Variants in COL6A2 observed in about 807,000 individuals in gnomAD.
COL6A2 encodes collagen type VI alpha 2 chain, also known as collagen alpha-2(VI) chain.
COL6A2 carries 90 observed loss-of-function variants against 124.9 expected under a neutral mutation model. The observed-to-expected ratio is 0.72, with a 90% confidence interval of 0.61 to 0.86. COL6A2 has a LOEUF of 0.86. COL6A2 is among the 40% of genes least tolerant of loss of function. COL6A2 has a pLI of 0.00. For synonymous variants in COL6A2, 793 were observed against 618.2 expected, an observed-to-expected ratio of 1.28 and a Z score of -4.19; for missense variants, 1,607 against 1,502.5, an observed-to-expected ratio of 1.07 and a Z score of -1.15.
chr21:46,129,622 A>G, intron 27 of COL6A2: 1 of 1,430,422 alleles, frequency 7.0e-7, no homozygotes, highest in South Asian at 1.5e-5. Flanking sequence ...CAGTCCTTCC[A>G]GGGGCTCTGG....
chr21:46,123,058 A>G, intron 21 of COL6A2, 121 bp downstream of exon 21: 2 of 945,202 alleles, frequency 2.1e-6, no homozygotes, highest in Non-Finnish European at 1.7e-6. Context: ...AGCCATGAGC[A>G]CCACCCCCAC....
chr21:46,115,761 G>C, intron 5 of COL6A2, 111 bp from the exon 6 acceptor site: 1 of 960,760 alleles, frequency 1.0e-6, no homozygotes, highest in Non-Finnish European at 1.6e-6. Flanking sequence ...CACTTGGGCA[G>C]GGGAATCAGT....
At chr21:46,117,296 C>T in intron 10 of COL6A2, 104 bp from the exon 11 acceptor site, 1 of 1,182,034 alleles carries the variant, frequency 8.5e-7, no homozygotes, top group Non-Finnish European at 1.2e-6. Context: ...GAGGAGAGCG[C>T]TGCAGCCCTG....
chr21:46,127,327 G>A (rs1056863335), intron 27 of COL6A2, among the ~76,000 whole-genome samples: 2 of 152,152 alleles, frequency 1.3e-5, no homozygotes, highest in African/African-American at 4.8e-5. Flanking sequence ...GCGGGTCGCG[G>A]TGTGCGTTCG....
chr21:46,124,564 G>T (rs1396554978), intron 21 of COL6A2, 87 bp from the exon 22 acceptor site: 2 of 1,261,694 alleles, frequency 1.6e-6, no homozygotes, highest in Non-Finnish European at 1.1e-6. Context: ...GGGAGGACCC[G>T]TGGTTGGGGA....
rs774150439 is a variant in COL6A2 at position 46,132,349 on chromosome 21, G to A, written c.2857G>A (p.Gly953Ser). The part of the protein sequence containing the change: ...SFVFLTDGVT[G>S]NDSLHESAHS... ...CGTGTTCCTCACGGACGGCGTCACGGGCAACGACAGTCTGCACGAGTCGGC... is the reference window on the plus strand; with the variant it reads ...CGTGTTCCTCACGGACGGCGTCACGAGCAACGACAGTCTGCACGAGTCGGC... The change falls in exon 28 of 28, where the codon GGC (glycine) becomes AGC (serine). Residue 953 changes from glycine to serine, a missense_variant. Physicochemically the swap from Gly to Ser is moderately conservative, Grantham distance 56. This residue lies in a region of COL6A2 where 1,223 missense variants were observed against 1,052.2 expected (regional missense o/e 1.16). Coordinates refer to ENST00000300527, the MANE Select transcript of COL6A2 (RefSeq NM_001849.4). 6.2e-7 allele frequency: 1 copy of A among 1,608,542 alleles called. No homozygotes were observed. Among genetic ancestry groups the A allele is most frequent in the South Asian group, 1.1e-5 (1 of 91,080 alleles).
chr21:46,130,475 C>T (rs189246465), intron 27 of COL6A2, among the ~76,000 whole-genome samples: 11 of 152,302 alleles, frequency 7.2e-5, no homozygotes, highest in South Asian at 2.1e-4. Context: ...GCCAGGTTCT[C>T]GTCCCCACAC....
chr21:46,114,123 ATTT>A (rs2078439813), intron 5 of COL6A2, 50 bp downstream of exon 5: 1 of 1,522,718 alleles, frequency 6.6e-7, no homozygotes, highest in African/African-American at 1.4e-5. Context: ...GAAGCCCCTG[ATTT>A]GTTTTGAAAT....
In COL6A2 at chr21:46,116,419, T is replaced by C. The variant is rs2123627287; in HGVS notation, c.927+16T>C. The C allele has an allele frequency of 1.2e-6, 2 of 1,612,646 alleles. No individual in the cohort carries two copies. The highest frequency in any genetic ancestry group is 8.5e-7 in the Non-Finnish European group (1 of 1,179,896). ...AGGAGAGAAGGTGAGGCTCTTGCCC[T>C]GACAGACCTCAGACCTGCGCCAGCC... On this transcript the variant is annotated intron_variant, in intron 8 of 27. Coordinates refer to ENST00000300527, the MANE Select transcript of COL6A2 (RefSeq NM_001849.4). The surrounding 1 kb of genome is among the most constrained non-coding windows in gnomAD (Gnocchi z 4.6).
At chr21:46,127,046 G>GAT (rs2078681854) in intron 27 of COL6A2, among the ~76,000 whole-genome samples, 1 of 152,200 alleles carries the variant, frequency 6.6e-6, no homozygotes, top group Non-Finnish European at 1.5e-5. Flanking sequence ...CCATGTCCCG[G>GAT]ATGTGGCCCA....
Position 46,119,845 on chromosome 21 carries a change from G to C in COL6A2, c.1327G>C (p.Glu443Gln), listed in dbSNP as rs1442330797. 4.5e-6 allele frequency: 7 copies of C among 1,558,748 alleles called. No individual in the cohort carries two copies. Among genetic ancestry groups the C allele is most frequent in the Admixed American group, 3.9e-5 (2 of 51,522 alleles). ...GSPGSDGPKG[E>Q]KGDPGPEGPR... ...CCCAGGCAGCGATGGCCCCAAGGGG[G>C]AGAAGGTGAGTCCTCGTGTGGAGGC... The change falls in exon 15 of 28, where the codon GAG becomes CAG. Residue 443 changes from glutamate to glutamine, a missense_variant. Physicochemically the swap from Glu to Gln is conservative, Grantham distance 29. Transcript: ENST00000300527.
chr21:46,129,549 C>T (rs2078730535), intron 27 of COL6A2: 6 of 1,487,580 alleles, frequency 4.0e-6, no homozygotes, highest in Non-Finnish European at 5.3e-6. Context: ...CTTCCCAGGG[C>T]TGCCCCCGAC....
chr21:46,129,098 G>C lies in COL6A2; in HGVS notation c.2461+2557G>C, dbSNP rs997335546. On this transcript the variant is annotated intron_variant, in intron 27 of 27. Coordinates refer to ENST00000300527, the MANE Select transcript of COL6A2 (RefSeq NM_001849.4). ...CTACCGACTCGCCAGCCCAAATGCC[G>C]CTCTTCACTCTGGCCTCGCTGAGCG... 29 of 1,603,158 alleles carry C rather than the reference G, an allele frequency of 1.8e-5. No homozygotes were observed. The East Asian group carries it at 6.3e-4, about 35-fold the overall frequency.
chr21:46,116,881 C>T lies in COL6A2; in HGVS notation c.999+67C>T. On this transcript the variant is annotated intron_variant, in intron 10 of 27. Transcript: ENST00000300527. This position sits in a 1 kb window ranked among gnomAD's most constrained non-coding sequence, Gnocchi z 4.6. ...AGGCATCCCAGCCTCTGCAGGGCCC[C>T]CAGATCCAGCCTGATCTGTCAGCTT... The T allele has an allele frequency of 6.5e-7, 1 of 1,527,612 alleles. No homozygotes were observed. Among genetic ancestry groups the T allele is most frequent in the African/African-American group, 1.4e-5 (1 of 73,310 alleles). The allele number at this position is 1,527,612 out of a possible 1,614,324, so 94.6% of individuals were successfully genotyped here.
At position 46,125,303 on chromosome 21, in the gene COL6A2, G is replaced by A; in HGVS notation, c.1808G>A (p.Gly603Glu). Residue 603 changes from glycine to glutamate, a missense_variant, in exon 24 of 28, where the codon GGG becomes GAG. This residue lies in a region of COL6A2 where 1,223 missense variants were observed against 1,052.2 expected (regional missense o/e 1.16). Transcript: ENST00000300527. ...ATGACCTACGTGAGGGAGACCTGCG[G>A]GTGCTGCGGTGAGGCACTGCCCACG... The part of the protein sequence containing the change: ...DVMTYVRETC[G>E]CCDCEKRCGA... 1 of 1,611,322 alleles carries A rather than the reference G, an allele frequency of 6.2e-7. No homozygotes were observed. Among genetic ancestry groups the A allele is most frequent in the Non-Finnish European group, 8.5e-7 (1 of 1,179,014 alleles).
At chr21:46,125,129 A>T in intron 23 of COL6A2, 137 bp from the exon 24 acceptor site, 1 of 1,050,728 alleles carries the variant, frequency 9.5e-7, no homozygotes, top group Non-Finnish European at 1.5e-6. Flanking sequence ...GTTGGTAGGG[A>T]CAGGACCCGC....
intron 6 of COL6A2, 35 bp from the exon 7 acceptor site, chr21:46,115,974 G>T (rs1332685724): frequency 3.1e-6 from 5 of 1,612,262 alleles, no homozygotes; most frequent in Non-Finnish European, 4.2e-6. Context: ...CAGCGCCCCA[G>T]GGCTGGGCTC....
At chr21:46,124,849 G>A in intron 22 of COL6A2, 36 bp from the exon 23 acceptor site, 2 of 1,612,616 alleles carry the variant, frequency 1.2e-6, no homozygotes, top group Non-Finnish European at 1.7e-6. Flanking sequence ...ACCCAGCCTT[G>A]GCCCCAGAGT....
intron 27 of COL6A2, among the ~76,000 whole-genome samples, chr21:46,131,711 G>T (rs563198913): frequency 6.6e-6 from 1 of 152,316 alleles, no homozygotes; most frequent in South Asian, 2.1e-4. Flanking sequence ...CCTGGGGCCT[G>T]TGTCAGGGTC....
Sources: allele counts gnomAD v4.1 joint callset (sites outside exome capture counted in the v4.1 genomes callset), GRCh38; gene constraint gnomAD v4.1.1; regional missense constraint gnomAD v4.1.1; non-coding constraint Gnocchi (gnomAD v3.1); transcripts MANE v1.5; gene names NCBI Gene and HGNC (gene_info 2026-07-23, HGNC 2026-07-21).